Variants in ABHD6 observed in about 807,000 individuals in gnomAD.
The protein encoded by ABHD6 is monoacylglycerol lipase ABHD6.
In ABHD6, 33 loss-of-function variants were observed where a neutral mutation model predicts 38.8. The observed-to-expected ratio is 0.85, with a 90% CI of 0.64 to 1.14. The LOEUF (loss-of-function observed/expected upper bound fraction) is 1.14, where lower values mean the gene tolerates loss of function less well. Among genes scored for constraint, ABHD6 ranks in the 50% most tolerant of loss-of-function variants. ABHD6 has a pLI of 0.00. For synonymous variants in ABHD6, 147 were observed against 161.6 expected (o/e 0.91, Z 0.69); for missense variants, 380 against 422.6 (o/e 0.90, Z 0.88).
chr3:58,287,969 T>G lies in ABHD6; in HGVS notation c.837+2516T>G, dbSNP rs2097458676. ...TAGGTTAGCTGGTATTAGATTAGAC[T>G]GCTCATGTCCTTTGCCTCTGTTGGT... On this transcript the variant is annotated intron_variant, in intron 9 of 9. Coordinates refer to ENST00000478253, the MANE Select transcript of ABHD6 (RefSeq NM_001320126.2). The surrounding 1 kb of genome is among the most constrained non-coding windows in gnomAD (Gnocchi z 4.7). 6.6e-6 allele frequency among the ~76,000 whole-genome samples: 1 copy of G among 152,252 alleles called. No individual in the cohort carries two copies. The highest frequency in any genetic ancestry group is 1.5e-5 in the Non-Finnish European group (1 of 68,042).
chr3:58,284,172 T>TC (rs2097455303), intron 7 of ABHD6, among the ~76,000 whole-genome samples: 1 of 152,146 alleles, frequency 6.6e-6, no homozygotes, highest in African/African-American at 2.4e-5. Flanking sequence ...CACTACCTCT[T>TC]TGGGTCAGTA....
At chr3:58,286,864 A>ATGTG (rs2097457698) in intron 9 of ABHD6, among the ~76,000 whole-genome samples, 2 of 121,998 alleles carry the variant, frequency 1.6e-5, no homozygotes, top group South Asian at 2.9e-4. Flanking sequence ...ATATATATAT[A>ATGTG]TATATGTATA....
chr3:58,251,147 T>A lies in ABHD6; in HGVS notation c.-26+1205T>A, dbSNP rs2097429660. Among the ~76,000 whole-genome samples, 1 of 152,024 alleles carries A rather than the reference T, an allele frequency of 6.6e-6. No individual in the cohort carries two copies. The highest frequency in any genetic ancestry group is 2.4e-5 in the African/African-American group (1 of 41,388). ...ACCAGCCCAGCATGGTGAAACCCTG[T>A]CTCTACTAAAAAGACAAAAATTAGC... On this transcript the variant is annotated intron_variant, in intron 2 of 9. Coordinates refer to ENST00000478253, the MANE Select transcript of ABHD6 (RefSeq NM_001320126.2). This position sits in a 1 kb window ranked among gnomAD's most constrained non-coding sequence, Gnocchi z 5.4.
Position 58,290,484 on chromosome 3 carries a change from T to G in ABHD6, c.838-3105T>G, listed in dbSNP as rs1404621763. On this transcript the variant is annotated intron_variant, in intron 9 of 9. Coordinates refer to ENST00000478253, the MANE Select transcript of ABHD6 (RefSeq NM_001320126.2). ...CGGGCGGGGGGCTGACCCCCCCACCTCCCTCCCGGACGGGGCGGCTGGCCT... is the reference window on the plus strand; with the variant it reads ...CGGGCGGGGGGCTGACCCCCCCACCGCCCTCCCGGACGGGGCGGCTGGCCT... 1.3e-4 allele frequency among the ~76,000 whole-genome samples: 12 copies of G among 90,758 alleles called. 3 individuals carry two copies. 59.5% of individuals were successfully genotyped at this position (90,758 alleles called of 152,430 possible).
chr3:58,292,439 G>T (rs1161334407), intron 9 of ABHD6, among the ~76,000 whole-genome samples: 1 of 152,144 alleles, frequency 6.6e-6, no homozygotes, highest in Non-Finnish European at 1.5e-5. Flanking sequence ...GAGGATGTTG[G>T]GGAAAAAGAT....
intron 7 of ABHD6, among the ~76,000 whole-genome samples, chr3:58,280,969 T>G (rs556587309): frequency 1.8e-4 from 28 of 152,242 alleles, no homozygotes; most frequent in African/African-American, 6.5e-4. Flanking sequence ...CTCTGGAAGC[T>G]TTGTCTCAGA....
At position 58,240,248 on chromosome 3, in the gene ABHD6, T is replaced by A. The variant is rs896117736; in HGVS notation, c.-91+2332T>A. Among the ~76,000 whole-genome samples the A allele has an allele frequency of 4.6e-5, 7 of 151,124 alleles. 1 individual carries two copies. Among genetic ancestry groups the A allele is most frequent in the Admixed American group, 3.3e-4 (5 of 15,160 alleles). On this transcript the variant is annotated intron_variant, in intron 1 of 9. Coordinates refer to ENST00000478253, the MANE Select transcript of ABHD6 (RefSeq NM_001320126.2). Reference sequence around the variant, plus strand: ...ACTATGTCATATTCTTTAAAAAAATTTTTTTTTTTAGAGATGAAGTCTCAC... The same window carrying A: ...ACTATGTCATATTCTTTAAAAAAATATTTTTTTTTAGAGATGAAGTCTCAC...
chr3:58,291,064 A>G (rs4681839), intron 9 of ABHD6, among the ~76,000 whole-genome samples: 106,007 of 139,286 alleles, frequency 0.76, 40,708 homozygotes, highest in East Asian at 1. Flanking sequence ...CCGAGATCAC[A>G]CCACTGCACT....
At chr3:58,243,825 T>C (rs1225053051) in intron 1 of ABHD6, among the ~76,000 whole-genome samples, 1 of 152,098 alleles carries the variant, frequency 6.6e-6, no homozygotes, top group Non-Finnish European at 1.5e-5. Flanking sequence ...CACGCCTGCC[T>C]AATTTTTTTG....
In ABHD6 at chr3:58,293,793, C is replaced by A; in HGVS notation, c.*28C>A. On this transcript the variant is annotated 3_prime_UTR_variant, in exon 10 of 10. Transcript: ENST00000478253. The surrounding 1 kb of genome is among the most constrained non-coding windows in gnomAD (Gnocchi z 4.4). Reference sequence around the variant, plus strand: ...CCCCGACTGCAGCCTGCATTCTGCACACAGCATCTGCTCCCATCCCCCAAG... The same window carrying A: ...CCCCGACTGCAGCCTGCATTCTGCAAACAGCATCTGCTCCCATCCCCCAAG... 1 of 1,608,036 alleles carries A rather than the reference C, an allele frequency of 6.2e-7. No homozygotes were observed. Among genetic ancestry groups the A allele is most frequent in the Non-Finnish European group, 8.5e-7 (1 of 1,176,088 alleles).
At chr3:58,289,961 T>A (rs1409402813) in intron 9 of ABHD6, among the ~76,000 whole-genome samples, 4 of 129,022 alleles carry the variant, frequency 3.1e-5, no homozygotes, top group Non-Finnish European at 6.4e-5. Flanking sequence ...GCCCCTCACC[T>A]CCCGGACGAG....
At chr3:58,254,602 A>G (rs1332004420) in intron 2 of ABHD6, among the ~76,000 whole-genome samples, 2 of 152,092 alleles carry the variant, frequency 1.3e-5, no homozygotes, top group Non-Finnish European at 2.9e-5. Flanking sequence ...TTCCCAGGAA[A>G]TGTAAGGAAG....
Position 58,256,538 on chromosome 3 carries a change from C to T in ABHD6, c.-25-24C>T, listed in dbSNP as rs547710250. ...TTCCTTTGATACAGAGTTTTAATATCGTCATTCTCTTTGGCCCCTGCAGGA... is the reference window on the plus strand; with the variant it reads ...TTCCTTTGATACAGAGTTTTAATATTGTCATTCTCTTTGGCCCCTGCAGGA... On this transcript the variant is annotated intron_variant, in intron 2 of 9. Transcript: ENST00000478253. The surrounding 1 kb of genome is among the most constrained non-coding windows in gnomAD (Gnocchi z 4.3). 4.1e-5 allele frequency: 57 copies of T among 1,374,954 alleles called. No individual in the cohort carries two copies. The highest frequency in any genetic ancestry group is 5.8e-5 in the African/African-American group (4 of 69,238). The allele number at this position is 1,374,954 out of a possible 1,614,324, so 85.2% of individuals were successfully genotyped here.
intron 9 of ABHD6, among the ~76,000 whole-genome samples, chr3:58,290,347 A>C (rs1428787219): frequency 1.8e-4 from 15 of 81,842 alleles, no homozygotes; most frequent in Admixed American, 7.0e-4. Context: ...GCGGGGGCTG[A>C]CCCCCCACCT....
chr3:58,293,673 G>A lies in ABHD6; in HGVS notation c.922G>A (p.Val308Ile), dbSNP rs570187249. Residue 308 changes from valine to isoleucine, a missense_variant, in exon 10 of 10, where the codon GTA (valine) becomes ATA (isoleucine). Val to Ile is a conservative substitution (Grantham distance 29). Coordinates refer to ENST00000478253, the MANE Select transcript of ABHD6 (RefSeq NM_001320126.2). The surrounding 1 kb of genome is among the most constrained non-coding windows in gnomAD (Gnocchi z 4.4). ...GCTTCTGGAAAACTGTGGGCACTCA[G>A]TAGTGATGGAAAGACCCAGGAAGAC... ...VELLENCGHS[V>I]VMERPRKTAK... The A allele has an allele frequency of 8.7e-6, 14 of 1,614,242 alleles. No homozygotes were observed. The highest frequency in any genetic ancestry group is 7.7e-5 in the South Asian group (7 of 91,086).
intron 7 of ABHD6, among the ~76,000 whole-genome samples, chr3:58,281,511 C>T (rs1391233123): frequency 1.3e-5 from 2 of 152,206 alleles, no homozygotes; most frequent in African/African-American, 2.4e-5. Flanking sequence ...CATGGCTTCC[C>T]TGGCTAGGAA....
chr3:58,289,388 G>A (rs1286055780), intron 9 of ABHD6, among the ~76,000 whole-genome samples: 8 of 150,920 alleles, frequency 5.3e-5, no homozygotes, highest in South Asian at 2.1e-4. Flanking sequence ...GAGGCCTTCC[G>A]CAGTGTTTGT....
rs1553719357 is a variant in ABHD6 at position 58,264,385 on chromosome 3, A to ATG, written c.120-2804_120-2803insTG. Among the ~76,000 whole-genome samples the ATG allele has an allele frequency of 7.6e-4, 58 of 76,492 alleles. No homozygotes were observed. In the South Asian group the frequency reaches 0.04, roughly 53 times the overall value. 50.2% of individuals were successfully genotyped at this position (76,492 alleles called of 152,430 possible). Reference sequence around the variant, plus strand: ...CTGAACTTTATAACTGGTTATATAAACGCACACACACACACACACACACAC... The same window carrying ATG: ...CTGAACTTTATAACTGGTTATATAAATGCGCACACACACACACACACACACAC... On this transcript the variant is annotated intron_variant, in intron 3 of 9. Transcript: ENST00000478253.
intron 7 of ABHD6, among the ~76,000 whole-genome samples, chr3:58,282,842 G>A (rs1323950957): frequency 1.3e-5 from 2 of 152,184 alleles, no homozygotes; most frequent in African/African-American, 4.8e-5. Flanking sequence ...TTAAGTTCAG[G>A]TTGCCTGTGA....
Sources: allele counts gnomAD v4.1 joint callset (sites outside exome capture counted in the v4.1 genomes callset), GRCh38; gene constraint gnomAD v4.1.1; non-coding constraint Gnocchi (gnomAD v3.1); transcripts MANE v1.5; gene names NCBI Gene and HGNC (gene_info 2026-07-23, HGNC 2026-07-21).